The following KAZN variants were observed in gnomAD, a reference collection of about 807,000 sequenced individuals.
KAZN encodes kazrin, periplakin interacting protein, also known as kazrin.
In KAZN, 40 loss-of-function variants were observed where a neutral mutation model predicts 87.4. That is an observed-to-expected ratio of 0.46 (90% CI 0.36 to 0.60). KAZN has a LOEUF of 0.60. Among genes scored for constraint, KAZN ranks in the 20% least tolerant of loss-of-function variants. The probability of loss-of-function intolerance (pLI) is 0.00; values close to 1 mark genes in which losing one functional copy is unlikely to be tolerated. For missense variants in KAZN, 898 were observed against 1,073.9 expected (o/e 0.84, Z 2.29); for synonymous variants, 466 against 458.3 (o/e 1.02, Z -0.22).
At chr1:15,063,676 CA>C in intron 7 of KAZN, 54 bp downstream of exon 7, 1 of 1,391,272 alleles carries the variant, frequency 7.2e-7, no homozygotes, top group Non-Finnish European at 1.0e-6. Context: ...ACCTTGACTA[CA>C]ACTTCACCCT....
In KAZN at chr1:14,411,381, G is replaced by A. The variant is rs575963497; in HGVS notation, c.250-187602G>A. ...GTGATCACAGCTCAGTGTAACCTCC[G>A]TCTCCCTAGTTCAAGCAGTTCCCCT... On this transcript the variant is annotated intron_variant, in intron 2 of 16. Coordinates refer to the KAZN transcript ENST00000636203. Among the ~76,000 whole-genome samples, 9 of 152,264 alleles carry A rather than the reference G, an allele frequency of 5.9e-5. No homozygotes were observed. In the East Asian group the frequency reaches 7.7e-4, roughly 13 times the overall value.
In KAZN at chr1:14,952,663, C is replaced by CA. The variant is rs895165753; in HGVS notation, c.227-8021_227-8020insA. 2.0e-5 allele frequency among the ~76,000 whole-genome samples: 3 copies of CA among 151,956 alleles called. No individual in the cohort carries two copies. In the East Asian group the frequency reaches 5.8e-4, roughly 29 times the overall value. On this transcript the variant is annotated intron_variant, in intron 1 of 14. Coordinates refer to ENST00000376030, the MANE Select transcript of KAZN (RefSeq NM_201628.3). Reference sequence around the variant, plus strand: ...AAGCCTGGACTCCACTCAGAGCCCCCCAAGCTCTCTGCTTCCCTAGTTCTC... The same window carrying CA: ...AAGCCTGGACTCCACTCAGAGCCCCCACAAGCTCTCTGCTTCCCTAGTTCTC...
chr1:14,811,813 A>G (rs6693738), intron 1 of KAZN, among the ~76,000 whole-genome samples: 38,217 of 152,150 alleles, frequency 0.25, 5,172 homozygotes, highest in African/African-American at 0.34. Flanking sequence ...TGAAATGCAT[A>G]TTATGATGAT....
rs61772178 is a variant in KAZN, at chr1:15,012,592, G to T, written c.419-22157G>T. ...TCAAGGAGATAAGAAGACACACACAGAACATAGATCCTCTTGAAAACCTCT... is the reference window on the plus strand; with the variant it reads ...TCAAGGAGATAAGAAGACACACACATAACATAGATCCTCTTGAAAACCTCT... On this transcript the variant is annotated intron_variant, in intron 2 of 14. Transcript: ENST00000376030. 3.9e-5 allele frequency among the ~76,000 whole-genome samples: 6 copies of T among 152,190 alleles called. No individual in the cohort carries two copies. In the South Asian group the frequency reaches 1.2e-3, roughly 32 times the overall value.
intron 1 of KAZN, among the ~76,000 whole-genome samples, chr1:14,111,091 T>C (rs1644489798): frequency 7.5e-6 from 1 of 133,894 alleles, no homozygotes; most frequent in Non-Finnish European, 1.6e-5. Context: ...AGGTGGAGGA[T>C]TCATCAATAT....
intron 2 of KAZN, among the ~76,000 whole-genome samples, chr1:14,216,094 T>G (rs921031836): frequency 6.6e-6 from 1 of 152,102 alleles, no homozygotes; most frequent in Non-Finnish European, 1.5e-5. Flanking sequence ...ATGAATGTCA[T>G]TAACAAATTA....
intron 2 of KAZN, among the ~76,000 whole-genome samples, chr1:14,321,808 A>T (rs1488543916): frequency 6.6e-6 from 1 of 152,158 alleles, no homozygotes; most frequent in Non-Finnish European, 1.5e-5. Context: ...TTTCCTACTA[A>T]TAAATGCTTA....
At chr1:14,222,494 A>G (rs1647127643) in intron 2 of KAZN, among the ~76,000 whole-genome samples, 1 of 152,126 alleles carries the variant, frequency 6.6e-6, no homozygotes, top group African/African-American at 2.4e-5. Flanking sequence ...CTGTGGTTGG[A>G]GAAGAGGAGT....
chr1:14,108,133 G>A (rs1345333273), intron 1 of KAZN, among the ~76,000 whole-genome samples: 1 of 152,054 alleles, frequency 6.6e-6, no homozygotes, highest in Non-Finnish European at 1.5e-5. Flanking sequence ...GGTCACTGAG[G>A]ATGCTTTTTT....
At chr1:14,707,074 G>T (rs1187250997) in intron 1 of KAZN, among the ~76,000 whole-genome samples, 1 of 152,182 alleles carries the variant, frequency 6.6e-6, no homozygotes, top group African/African-American at 2.4e-5. Context: ...TTCCCTAATG[G>T]TTTCAACCTG....
At chr1:14,730,176 C>T (rs1439173258) in intron 1 of KAZN, among the ~76,000 whole-genome samples, 4 of 152,090 alleles carry the variant, frequency 2.6e-5, no homozygotes, top group South Asian at 2.1e-4. Flanking sequence ...CTCTGCCTCC[C>T]GGGTTCAAGC....
At chr1:14,579,612 G>T (rs1163509997) in intron 2 of KAZN, among the ~76,000 whole-genome samples, 1 of 149,366 alleles carries the variant, frequency 6.7e-6, no homozygotes, top group African/African-American at 2.5e-5. Context: ...GCAACACAGC[G>T]AGACTCCGTC....
intron 1 of KAZN, among the ~76,000 whole-genome samples, chr1:14,844,962 T>C (rs886347354): frequency 1.6e-4 from 24 of 151,662 alleles, no homozygotes; most frequent in African/African-American, 5.6e-4. Flanking sequence ...GGTTAATGGA[T>C]GGATGGATGG....
intron 2 of KAZN, among the ~76,000 whole-genome samples, chr1:14,458,280 A>G (rs938408122): frequency 3.9e-5 from 6 of 152,114 alleles, no homozygotes; most frequent in Non-Finnish European, 5.9e-5. Flanking sequence ...ACCTTGCTAA[A>G]CTCTTTATTC....
chr1:14,931,646 C>A (rs1240742921), intron 1 of KAZN, among the ~76,000 whole-genome samples: 1 of 152,162 alleles, frequency 6.6e-6, no homozygotes, highest in African/African-American at 2.4e-5. Context: ...GTATCAAGTA[C>A]CCTGCGTAAT....
At chr1:14,252,493 C>T (rs1258042864) in intron 2 of KAZN, among the ~76,000 whole-genome samples, 2 of 152,140 alleles carry the variant, frequency 1.3e-5, no homozygotes, top group Non-Finnish European at 2.9e-5. Flanking sequence ...CTTTCCTACC[C>T]CAGGACCTTT....
intron 2 of KAZN, among the ~76,000 whole-genome samples, chr1:14,467,405 G>A (rs1339381674): frequency 1.3e-5 from 2 of 150,742 alleles, no homozygotes; most frequent in Non-Finnish European, 3.0e-5. Context: ...GTTAGTAATC[G>A]AGAAATGGTA....
intron 1 of KAZN, among the ~76,000 whole-genome samples, chr1:13,925,224 G>C (rs1023693294): frequency 6.6e-6 from 1 of 152,148 alleles, no homozygotes; most frequent in Non-Finnish European, 1.5e-5. Flanking sequence ...TAATGTTTTC[G>C]AGTAATTTCA....
Position 15,044,165 on chromosome 1 carries a change from A to C in KAZN, c.726+6A>C, listed in dbSNP as rs911712965. 6.7e-7 allele frequency: 1 copy of C among 1,500,738 alleles called. No individual in the cohort carries two copies. The highest frequency in any genetic ancestry group is 9.0e-7 in the Non-Finnish European group (1 of 1,113,876). 93.0% of individuals were successfully genotyped at this position (1,500,738 alleles called of 1,614,324 possible). A position where few individuals can be genotyped will look rare whatever the true frequency, so the allele number is the denominator to read the frequency against. On this transcript the variant is annotated splice_donor_region_variant and intron_variant, in intron 4 of 14. Coordinates refer to ENST00000376030, the MANE Select transcript of KAZN (RefSeq NM_201628.3). ...TGGAGGCCGAGCTGGCCATGGTGAG[A>C]ACCCTCCCCACCCAGGTGGGCCTGG...
Sources: gnomAD v4.1 joint callset for allele counts (sites outside exome capture counted in the v4.1 genomes callset) on GRCh38, gnomAD v4.1.1 for gene constraint, MANE v1.5 for transcripts, NCBI Gene and HGNC (gene_info 2026-07-23, HGNC 2026-07-21) for gene names.